The following RIMBP2 variants were observed in gnomAD, a reference collection of about 807,000 sequenced individuals.
The protein encoded by RIMBP2 is RIMS-binding protein 2.
In RIMBP2, 48 loss-of-function variants were observed where a neutral mutation model predicts 118.6. The ratio of observed to expected loss-of-function variants is 0.40; its 90% CI spans 0.32 to 0.51. The LOEUF is 0.51. RIMBP2 is among the 20% of genes least tolerant of loss of function. The pLI, the probability that RIMBP2 is intolerant of heterozygous loss-of-function variation, is 0.41. For missense variants in RIMBP2, 1,551 were observed against 1,768.3 expected (o/e 0.88, Z 2.20); for synonymous variants, 762 against 742.9 (o/e 1.03, Z -0.42).
intron 3 of RIMBP2, among the ~76,000 whole-genome samples, chr12:130,508,584 C>T (rs34467842): frequency 0.042 from 6,366 of 151,924 alleles, 191 homozygotes; most frequent in South Asian, 0.16. Flanking sequence ...TGCAAGGTGA[C>T]GAAACCCTTG....
intron 2 of RIMBP2, among the ~76,000 whole-genome samples, chr12:130,588,678 G>A (rs111609267): frequency 7.5e-4 from 114 of 152,298 alleles, no homozygotes; most frequent in African/African-American, 2.5e-3. Flanking sequence ...TCAATGGTTC[G>A]GAAAGCATTT....
At chr12:130,633,645 C>T (rs567090980) in intron 1 of RIMBP2, among the ~76,000 whole-genome samples, 1 of 152,324 alleles carries the variant, frequency 6.6e-6, no homozygotes, top group East Asian at 1.9e-4. Context: ...GTTATCACAA[C>T]CCCTTGAGGC....
chr12:130,648,538 A>G (rs2063087568), intron 1 of RIMBP2, among the ~76,000 whole-genome samples: 1 of 146,100 alleles, frequency 6.8e-6, no homozygotes, highest in South Asian at 2.1e-4. Context: ...GTTATCCATG[A>G]TGATTTTAAT....
chr12:130,664,397 ACG>A (rs1389481165), intron 1 of RIMBP2, among the ~76,000 whole-genome samples: 3 of 98,702 alleles, frequency 3.0e-5, no homozygotes, highest in Non-Finnish European at 4.7e-5. Flanking sequence ...ATGCACACAC[ACG>A]CACGCACGCA....
intron 2 of RIMBP2, among the ~76,000 whole-genome samples, chr12:130,573,126 T>C (rs574548161): frequency 1.3e-5 from 2 of 152,298 alleles, no homozygotes; most frequent in South Asian, 4.1e-4. Flanking sequence ...GAAGCAACAC[T>C]GCAGGCCCCC....
At chr12:130,681,943 C>T (rs970621335) in intron 1 of RIMBP2, among the ~76,000 whole-genome samples, 3 of 152,134 alleles carry the variant, frequency 2.0e-5, no homozygotes, top group East Asian at 1.9e-4. Context: ...GTGATCCACC[C>T]GCCTCAGCCT....
chr12:130,680,182 A>C (rs896086481), intron 1 of RIMBP2, among the ~76,000 whole-genome samples: 4 of 152,266 alleles, frequency 2.6e-5, no homozygotes, highest in African/African-American at 9.6e-5. Context: ...CTTCTTTGGA[A>C]AGTTCTCAGT....
intron 1 of RIMBP2, among the ~76,000 whole-genome samples, chr12:130,644,088 T>A (rs2062743284): frequency 1.3e-5 from 2 of 152,050 alleles, no homozygotes. Flanking sequence ...TCACCAACAG[T>A]CCTGATGGAC....
intron 19 of RIMBP2, among the ~76,000 whole-genome samples, chr12:130,411,301 A>T (rs187036935): frequency 6.6e-6 from 1 of 152,258 alleles, no homozygotes; most frequent in African/African-American, 2.4e-5. Flanking sequence ...CTGTGAACAG[A>T]AAAAGTTGTA....
At chr12:130,589,004 G>A (rs971159678) in intron 2 of RIMBP2, among the ~76,000 whole-genome samples, 16 of 152,332 alleles carry the variant, frequency 1.1e-4, no homozygotes, top group African/African-American at 3.4e-4. Flanking sequence ...TTAAACACTC[G>A]GGACGTCAGC....
At chr12:130,520,503 AAC>A (rs35608453) in intron 2 of RIMBP2, among the ~76,000 whole-genome samples, 6 of 151,376 alleles carry the variant, frequency 4.0e-5, no homozygotes, top group African/African-American at 4.9e-5. Context: ...CTCTACTAAA[AAC>A]ACACACACAC....
Position 130,511,042 on chromosome 12 carries a change from C to A in RIMBP2, c.-126-4272G>T, listed in dbSNP as rs1429685449. Among the ~76,000 whole-genome samples, 7 of 152,136 alleles carry A rather than the reference C, an allele frequency of 4.6e-5. No individual in the cohort carries two copies. Among genetic ancestry groups the A allele is most frequent in the African/African-American group, 1.4e-4 (6 of 41,436 alleles). Reference sequence around the variant, plus strand: ...TCTGTGAATATATCACTTTTTGTGGCAGAACGGACCCTGAAGATGGGATTG... The same window carrying A: ...TCTGTGAATATATCACTTTTTGTGGAAGAACGGACCCTGAAGATGGGATTG... On this transcript the variant is annotated intron_variant, in intron 3 of 22. Transcript: ENST00000690449. The surrounding 1 kb of genome is among the most constrained non-coding windows in gnomAD (Gnocchi z 4.3).
At position 130,710,763 on chromosome 12, in the gene RIMBP2, TAATGACA is replaced by T. The variant is rs1030329526; in HGVS notation, c.-352+5452_-352+5458del. On this transcript the variant is annotated intron_variant, in intron 1 of 22. Transcript: ENST00000690449. This position sits in a 1 kb window ranked among gnomAD's most constrained non-coding sequence, Gnocchi z 4.3. ...CAGCAAGTGCTTATCCAGCACCTACTAATGACAGACCACAAAACACCAACAAATGAGA... is the reference window on the plus strand; with the variant it reads ...CAGCAAGTGCTTATCCAGCACCTACTGACCACAAAACACCAACAAATGAGA... Among the ~76,000 whole-genome samples, 28 of 152,320 alleles carry T rather than the reference TAATGACA, an allele frequency of 1.8e-4. No individual in the cohort carries two copies. Among genetic ancestry groups the T allele is most frequent in the African/African-American group, 6.5e-4 (27 of 41,568 alleles).
intron 11 of RIMBP2, among the ~76,000 whole-genome samples, chr12:130,439,197 CAT>C (rs1425080899): frequency 6.1e-5 from 5 of 82,356 alleles, no homozygotes; most frequent in African/African-American, 9.4e-5. Flanking sequence ...GTAATGTGTG[CAT>C]ATATGTGTAT....
intron 1 of RIMBP2, among the ~76,000 whole-genome samples, chr12:130,712,259 C>G (rs955119052): frequency 9.9e-5 from 15 of 152,148 alleles, no homozygotes; most frequent in Non-Finnish European, 1.5e-5. Context: ...ACTTCGTTGC[C>G]TTATACATTT....
rs369333294 is a variant in RIMBP2 at position 130,626,892 on chromosome 12, C to CGG, written c.-217+1428_-217+1429dup. 5.3e-3 allele frequency among the ~76,000 whole-genome samples: 797 copies of CGG among 149,424 alleles called. 6 individuals carry two copies. Among genetic ancestry groups the CGG allele is most frequent in the African/African-American group, 0.019 (754 of 40,644 alleles). On this transcript the variant is annotated intron_variant, in intron 2 of 22. Transcript: ENST00000690449. ...TCTTCTCCATCACCACGACTACTGC[C>CGG]GGCATCACCACCATCTTCTCCATCA...
chr12:130,621,131 C>A lies in RIMBP2; in HGVS notation c.-217+7191G>T, dbSNP rs539770616. On this transcript the variant is annotated intron_variant, in intron 2 of 22. Coordinates refer to ENST00000690449, the MANE Select transcript of RIMBP2 (RefSeq NM_001393629.1). The surrounding 1 kb of genome is among the most constrained non-coding windows in gnomAD (Gnocchi z 6.6). ...GCACCCTGGGAGCTGGTCATTCCTA[C>A]GTGGAAAGTGACCTTAGGTGAGTTG... Among the ~76,000 whole-genome samples, 1 of 152,080 alleles carries A rather than the reference C, an allele frequency of 6.6e-6. No homozygotes were observed. The highest frequency in any genetic ancestry group is 2.4e-5 in the African/African-American group (1 of 41,394).
At chr12:130,658,264 C>CA (rs2063510581) in intron 1 of RIMBP2, 1 of 152,222 alleles carries the variant, frequency 6.6e-6, no homozygotes, top group Admixed American at 6.5e-5. Context: ...CCAGCCTGAG[C>CA]AAATACTAAC....
chr12:130,566,957 G>C (rs1309483578), intron 2 of RIMBP2, among the ~76,000 whole-genome samples: 1 of 152,178 alleles, frequency 6.6e-6, no homozygotes, highest in Non-Finnish European at 1.5e-5. Flanking sequence ...TGTGCCTACA[G>C]CTTCGATGGT....
Sources: allele counts gnomAD v4.1 joint callset (sites outside exome capture counted in the v4.1 genomes callset), GRCh38; gene constraint gnomAD v4.1.1; non-coding constraint Gnocchi (gnomAD v3.1); transcripts MANE v1.5; gene names NCBI Gene and HGNC (gene_info 2026-07-23, HGNC 2026-07-21).